The following CELSR2 variants were observed in gnomAD, a reference collection of about 807,000 sequenced individuals.
CELSR2 encodes cadherin EGF LAG seven-pass G-type receptor 2.
In CELSR2, 81 loss-of-function variants were observed where a neutral mutation model predicts 251.6. That is an observed-to-expected ratio of 0.32 (90% CI 0.27 to 0.39). The LOEUF is 0.39. Among genes scored for constraint, CELSR2 ranks in the 10% least tolerant of loss-of-function variants. The pLI, the probability that CELSR2 is intolerant of heterozygous loss-of-function variation, is 1.00. For missense variants in CELSR2, 3,365 were observed against 3,947.7 expected, an observed-to-expected ratio of 0.85 and a Z score of 3.96; for synonymous variants, 1,721 against 1,670.5, an observed-to-expected ratio of 1.03 and a Z score of -0.74.
chr1:109,269,605 G>A lies in CELSR2; in HGVS notation c.6980+14G>A, dbSNP rs781123327. 10 of 1,613,658 alleles carry A rather than the reference G, an allele frequency of 6.2e-6. No homozygotes were observed. The highest frequency in any genetic ancestry group is 7.6e-6 in the Non-Finnish European group (9 of 1,179,658). ...CCATTCAATCCTGTGAGCCTGCACT[G>A]CCCTCGCCCCCTCAGGCTTCGGGCT... On this transcript the variant is annotated intron_variant, in intron 21 of 33. Coordinates refer to ENST00000271332, the MANE Select transcript of CELSR2 (RefSeq NM_001408.3). This position sits in a 1 kb window ranked among gnomAD's most constrained non-coding sequence, Gnocchi z 6.4.
chr1:109,270,260 G>T (rs1467963095), intron 23 of CELSR2, 127 bp downstream of exon 23: 1 of 1,285,708 alleles, frequency 7.8e-7, no homozygotes, highest in South Asian at 1.3e-5. Flanking sequence ...CTGGCCCAGG[G>T]TTTCCTCTTC....
chr1:109,265,125 A>AGGGC, intron 12 of CELSR2, 66 bp from the exon 13 acceptor site: 10 of 1,584,658 alleles, frequency 6.3e-6, no homozygotes, highest in African/African-American at 1.3e-5. Flanking sequence ...AGGGCCACAT[A>AGGGC]GGGCTCACCT....
chr1:109,262,857 C>G lies in CELSR2; in HGVS notation c.4596C>G (p.Pro1532=). ...PLLLGGVPDL[P]ESFPVRMRQF... is the part of the protein sequence containing the mutation. The stretch of plus-strand genomic sequence containing the variant: ...TACTAGGCGGGGTGCCTGACCTGCC[C>G]GAGAGCTTCCCAGTCCGAATGCGGC... The change falls in exon 7 of 34, where the codon CCC becomes CCG. Residue 1532 remains proline, a synonymous_variant. Coordinates refer to ENST00000271332, the MANE Select transcript of CELSR2 (RefSeq NM_001408.3). The G allele has an allele frequency of 1.2e-6, 2 of 1,613,742 alleles. No individual in the cohort carries two copies. The highest frequency in any genetic ancestry group is 1.7e-6 in the Non-Finnish European group (2 of 1,180,016).
At position 109,250,457 on chromosome 1, in the gene CELSR2, G is replaced by A; in HGVS notation, c.378G>A (p.Gln126=). The part of the protein sequence containing the change: ...LLGIGGHLSP[Q]GKLTLPEEHP... ...GCATTGGAGGCCACCTTTCCCCACA[G>A]GGCAAGCTCACACTGCCCGAGGAGC... is the stretch of plus-strand genomic sequence containing the variant. The change falls in exon 1 of 34, where the codon CAG becomes CAA. Residue 126 remains glutamine, a synonymous_variant. Coordinates refer to ENST00000271332, the MANE Select transcript of CELSR2 (RefSeq NM_001408.3). This position sits in a 1 kb window ranked among gnomAD's most constrained non-coding sequence, Gnocchi z 4.4. The A allele has an allele frequency of 6.2e-7, 1 of 1,613,724 alleles. No homozygotes were observed. Among genetic ancestry groups the A allele is most frequent in the Non-Finnish European group, 8.5e-7 (1 of 1,180,018 alleles).
Position 109,269,890 on chromosome 1 carries a change from C to T in CELSR2, c.7108-43C>T, listed in dbSNP as rs752603139. 6 of 1,613,946 alleles carry T rather than the reference C, an allele frequency of 3.7e-6. No individual in the cohort carries two copies. The highest frequency in any genetic ancestry group is 5.1e-6 in the Non-Finnish European group (6 of 1,179,924). Reference sequence around the variant, plus strand: ...GGGCACGGGGCTGGGTGCTCAGGTCCTGCCCTTCCTAATTCCCTGGCCCCC... The same window carrying T: ...GGGCACGGGGCTGGGTGCTCAGGTCTTGCCCTTCCTAATTCCCTGGCCCCC... On this transcript the variant is annotated intron_variant, in intron 22 of 33. Coordinates refer to ENST00000271332, the MANE Select transcript of CELSR2 (RefSeq NM_001408.3). The surrounding 1 kb of genome is among the most constrained non-coding windows in gnomAD (Gnocchi z 6.4).
Position 109,273,415 on chromosome 1 carries a change from C to T in CELSR2, c.8510-21C>T, listed in dbSNP as rs563788003. 21 of 1,608,168 alleles carry T rather than the reference C, an allele frequency of 1.3e-5. No homozygotes were observed. The South Asian group carries it at 2.3e-4, about 18-fold the overall frequency. On this transcript the variant is annotated intron_variant, in intron 32 of 33. Coordinates refer to ENST00000271332, the MANE Select transcript of CELSR2 (RefSeq NM_001408.3). Reference sequence around the variant, plus strand: ...CACATTCTCCTGTGGCCGCACCTCACAGCCCCGCCCCGGCCCACAGGCATC... The same window carrying T: ...CACATTCTCCTGTGGCCGCACCTCATAGCCCCGCCCCGGCCCACAGGCATC...
intron 17 of CELSR2, 37 bp downstream of exon 17, chr1:109,268,097 A>G: frequency 6.4e-7 from 1 of 1,566,530 alleles, no homozygotes; most frequent in Non-Finnish European, 8.7e-7. Flanking sequence ...CTGGTTAGAT[A>G]GGGGTCATGG....
Position 109,261,055 on chromosome 1 carries a change from G to A in CELSR2, c.3972G>A (p.Glu1324=). The change falls in exon 3 of 34, where the codon GAG becomes GAA. Residue 1324 remains glutamate (E), a synonymous_variant. Coordinates refer to ENST00000271332, the MANE Select transcript of CELSR2 (RefSeq NM_001408.3). This position sits in a 1 kb window ranked among gnomAD's most constrained non-coding sequence, Gnocchi z 4.8. ...CRDGYTGEHC[E]VSARSGRCTP... is the part of the protein sequence containing the mutation. ...CCTCTTGTCCAGGTGAGCACTGTGAGGTGAGTGCTCGCTCAGGCCGTTGCA... is the reference window on the plus strand; with the variant it reads ...CCTCTTGTCCAGGTGAGCACTGTGAAGTGAGTGCTCGCTCAGGCCGTTGCA... The A allele has an allele frequency of 2.5e-6, 4 of 1,612,022 alleles. No homozygotes were observed. The highest frequency in any genetic ancestry group is 3.4e-6 in the Non-Finnish European group (4 of 1,178,664).
chr1:109,270,542 C>T lies in CELSR2; in HGVS notation c.7425C>T (p.Asn2475=). The change falls in exon 24 of 34, where the codon AAC becomes AAT. Residue 2475 remains asparagine, a synonymous_variant. Transcript: ENST00000271332. ...CACTCACTGAGGTGCGCGATGTCAA[C>T]ACCGGCCCCATGCGCTTCTACTACA... ...YRALTEVRDV[N]TGPMRFYYML... 1 of 1,614,168 alleles carries T rather than the reference C, an allele frequency of 6.2e-7. No homozygotes were observed. Among genetic ancestry groups the T allele is most frequent in the Non-Finnish European group, 8.5e-7 (1 of 1,180,020 alleles).
chr1:109,263,523 T>C (rs1656087537), intron 8 of CELSR2, 88 bp from the exon 9 acceptor site: 1 of 1,534,688 alleles, frequency 6.5e-7, no homozygotes, highest in African/African-American at 1.4e-5. Context: ...GGGCTCTGCC[T>C]CCCGTGCAGC....
At position 109,272,927 on chromosome 1, in the gene CELSR2, AGAG is replaced by A. The variant is rs763573324; in HGVS notation, c.8247_8249del (p.Glu2752del). Reference sequence around the variant, plus strand: ...ACTCATCAGACAGTGAGGAGGAAGAAGAGGAGGAGGAAGAGGAGGCCGCCTTCC... The same window carrying A: ...ACTCATCAGACAGTGAGGAGGAAGAAGAGGAGGAAGAGGAGGCCGCCTTCC... On this transcript the variant is annotated inframe_deletion, in exon 31 of 34. Coordinates refer to ENST00000271332, the MANE Select transcript of CELSR2 (RefSeq NM_001408.3). 10 of 1,613,874 alleles carry A rather than the reference AGAG, an allele frequency of 6.2e-6. No homozygotes were observed. The highest frequency in any genetic ancestry group is 3.3e-5 in the Admixed American group (2 of 59,982).
In CELSR2 at chr1:109,252,646, G is replaced by C. The variant is rs1434302670; in HGVS notation, c.2567G>C (p.Gly856Ala). ...LNGRVFYTFQGGDDGDGDFIV... is the reference protein window; with the variant it reads ...LNGRVFYTFQAGDDGDGDFIV... ...GGCAGGGTCTTCTACACCTTCCAAG[G>C]AGGCGACGATGGAGACGGTGACTTT... The change falls in exon 1 of 34, where the codon GGA becomes GCA. Residue 856 changes from glycine to alanine, a missense_variant. By Grantham distance (60) the Gly-to-Ala change is moderately conservative (BLOSUM62 0). Transcript: ENST00000271332. This position sits in a 1 kb window ranked among gnomAD's most constrained non-coding sequence, Gnocchi z 4.8. 6.2e-7 allele frequency: 1 copy of C among 1,613,908 alleles called. No individual in the cohort carries two copies. Among genetic ancestry groups the C allele is most frequent in the Non-Finnish European group, 8.5e-7 (1 of 1,180,046 alleles).
intron 1 of CELSR2, among the ~76,000 whole-genome samples, chr1:109,255,192 G>A (rs1419997298): frequency 1.3e-5 from 2 of 152,244 alleles, no homozygotes; most frequent in African/African-American, 4.8e-5. Context: ...GGAGGCCGGG[G>A]TGAGGGGGAG....
At chr1:109,254,815 G>A (rs919964580) in intron 1 of CELSR2, among the ~76,000 whole-genome samples, 4 of 152,206 alleles carry the variant, frequency 2.6e-5, no homozygotes, top group African/African-American at 9.6e-5. Context: ...CTGTGGCTGA[G>A]GTTCTGAGCC....
In CELSR2 at chr1:109,263,714, G is replaced by A. The variant is rs768279606; in HGVS notation, c.4938G>A (p.Thr1646=). 1.1e-5 allele frequency: 18 copies of A among 1,613,770 alleles called. No homozygotes were observed. Among genetic ancestry groups the A allele is most frequent in the Middle Eastern group, 1.6e-4 (1 of 6,080 alleles). The change falls in exon 9 of 34, where the codon ACG becomes ACA. Residue 1646 remains threonine (T), a synonymous_variant. Transcript: ENST00000271332. ...GGTACCTCAGCCTCATGTTCCGCACGCGCCAGGCCGACGGTGTCCTGCTGC... is the reference window on the plus strand; with the variant it reads ...GGTACCTCAGCCTCATGTTCCGCACACGCCAGGCCGACGGTGTCCTGCTGC... ...QPWYLSLMFR[T]RQADGVLLQA... is the part of the protein sequence containing the mutation.
chr1:109,271,238 C>T lies in CELSR2; in HGVS notation c.7618C>T (p.Leu2540=), dbSNP rs1026291472. The T allele has an allele frequency of 3.1e-6, 5 of 1,614,050 alleles. No individual in the cohort carries two copies. The highest frequency in any genetic ancestry group is 4.2e-6 in the Non-Finnish European group (5 of 1,180,010). Reference sequence around the variant, plus strand: ...CTAGATGAGTGTCTTCCTGTACATCCTGGCGGCCCGGGCCTCCTGTGCTGC... The same window carrying T: ...CTAGATGAGTGTCTTCCTGTACATCTTGGCGGCCCGGGCCTCCTGTGCTGC... ...AVSMSVFLYI[L]AARASCAAQR... Residue 2540 remains leucine (L), a synonymous_variant, in exon 26 of 34, where the codon CTG becomes TTG. Coordinates refer to ENST00000271332, the MANE Select transcript of CELSR2 (RefSeq NM_001408.3).
At position 109,273,554 on chromosome 1, in the gene CELSR2, A is replaced by C. The variant is rs441853; in HGVS notation, c.8628A>C (p.Gly2876=). 1 allele frequency: 1,564,977 copies of C among 1,572,746 alleles called. 778,911 individuals are homozygous for C. The highest frequency in any genetic ancestry group is 1 in the East Asian group (42,266 of 42,266). The change falls in exon 33 of 34, where the codon GGA becomes GGC. Residue 2876 remains glycine (G), a synonymous_variant. Transcript: ENST00000271332. The stretch of plus-strand genomic sequence containing the variant: ...CCTCCGCTAGTGAGGGCAGCCGGGG[A>C]GGCCCCCCTCCCCGCCCACCGCCCC... ...RGSSASEGSR[G]GPPPRPPPRQ...
rs62623708 is a variant in CELSR2 at position 109,250,455 on chromosome 1, C to A, written c.376C>A (p.Gln126Lys). ...LLGIGGHLSPQGKLTLPEEHP... is the reference protein window; with the variant it reads ...LLGIGGHLSPKGKLTLPEEHP... ...GGGCATTGGAGGCCACCTTTCCCCA[C>A]AGGGCAAGCTCACACTGCCCGAGGA... Residue 126 changes from glutamine (Q) to lysine (K), a missense_variant, in exon 1 of 34, where the codon CAG (glutamine) becomes AAG (lysine). Gln to Lys is a moderately conservative substitution (Grantham distance 53). Transcript: ENST00000271332. The surrounding 1 kb of genome is among the most constrained non-coding windows in gnomAD (Gnocchi z 4.4). The A allele has an allele frequency of 4.7e-3, 7,635 of 1,613,720 alleles. 36 individuals are homozygous for A. The highest frequency in any genetic ancestry group is 5.8e-3 in the Non-Finnish European group (6,865 of 1,180,022).
chr1:109,264,563 A>T lies in CELSR2; in HGVS notation c.5399A>T (p.Asn1800Ile), dbSNP rs747905173. The T allele has an allele frequency of 3.5e-5, 57 of 1,614,018 alleles. No individual in the cohort carries two copies. In the Admixed American group the frequency reaches 9.3e-4, roughly 26 times the overall value. The stretch of plus-strand genomic sequence containing the variant: ...AGCCTGCCTGACCCTTGTGACTCAA[A>T]CCCGTGTCCTGCTAACAGCTATTGC... ...GCSLPDPCDSNPCPANSYCSN... is the reference protein window; with the variant it reads ...GCSLPDPCDSIPCPANSYCSN... The change falls in exon 11 of 34, where the codon AAC becomes ATC. Residue 1800 changes from asparagine to isoleucine, a missense_variant. Asn to Ile is a moderately radical substitution (Grantham distance 149). Around this residue, in one of 5 missense-constraint regions of CELSR2, gnomAD observed 2,093 missense variants for 2,382.8 expected, o/e 0.88. Transcript: ENST00000271332.
Sources: allele counts gnomAD v4.1 joint callset (sites outside exome capture counted in the v4.1 genomes callset), GRCh38; gene constraint gnomAD v4.1.1; regional missense constraint gnomAD v4.1.1; non-coding constraint Gnocchi (gnomAD v3.1); transcripts MANE v1.5; gene names NCBI Gene and HGNC (gene_info 2026-07-23, HGNC 2026-07-21).